PCDHGA7: variants seen among roughly 807,000 people sequenced by gnomAD.
PCDHGA7 encodes protocadherin gamma subfamily A, 7, also known as protocadherin gamma-A7.
In PCDHGA7, 44 loss-of-function variants were observed where a neutral mutation model predicts 58.3. The ratio of observed to expected loss-of-function variants is 0.75; its 90% CI spans 0.59 to 0.97. The LOEUF is 0.97. PCDHGA7 is among the 50% of genes least tolerant of loss of function. The probability of loss-of-function intolerance (pLI) is 0.00; values close to 1 mark genes in which losing one functional copy is unlikely to be tolerated. For synonymous variants in PCDHGA7, 516 were observed against 504.2 expected, an observed-to-expected ratio of 1.02 and a Z score of -0.31; for missense variants, 1,266 against 1,188.7, an observed-to-expected ratio of 1.06 and a Z score of -0.96.
chr5:141,388,756 A>G, intron 1 of PCDHGA7: 1 of 1,613,956 alleles, frequency 6.2e-7, no homozygotes, highest in South Asian at 1.1e-5. Flanking sequence ...ACCCAATTTG[A>G]CCTGAACTCT....
intron 1 of PCDHGA7, chr5:141,423,851 C>A (rs1311833319): frequency 2.4e-6 from 3 of 1,275,940 alleles, no homozygotes; most frequent in East Asian, 3.1e-5. Context: ...TCTTTCAGAA[C>A]GTTTTTGTGA....
Position 141,486,000 on chromosome 5 carries a change from A to G in PCDHGA7, c.2425-8807A>G. 1 of 1,614,194 alleles carries G rather than the reference A, an allele frequency of 6.2e-7. No individual in the cohort carries two copies. Among genetic ancestry groups the G allele is most frequent in the Non-Finnish European group, 8.5e-7 (1 of 1,180,034 alleles). On this transcript the variant is annotated intron_variant, in intron 1 of 3. Transcript: ENST00000518325. The surrounding 1 kb of genome is among the most constrained non-coding windows in gnomAD (Gnocchi z 5.7). ...GACCCGGACCTGGGTCCCAGTGGTA[A>G]CGTCACCTTTTATTTCAGTGGTCAT...
At chr5:141,420,001 C>T in intron 1 of PCDHGA7, 1 of 1,614,084 alleles carries the variant, frequency 6.2e-7, no homozygotes, top group Non-Finnish European at 8.5e-7. Flanking sequence ...TTGCTCTACG[C>T]CTGCGACAGT....
intron 1 of PCDHGA7, chr5:141,413,400 G>C: frequency 6.2e-7 from 1 of 1,614,060 alleles, no homozygotes; most frequent in Non-Finnish European, 8.5e-7. Context: ...CCAGAGGTAG[G>C]ACGCAGCTTT....
chr5:141,428,267 T>C, intron 1 of PCDHGA7: 1 of 796,264 alleles, frequency 1.3e-6, no homozygotes, highest in Non-Finnish European at 2.1e-6. Context: ...GACAGTCCTG[T>C]GCCCTCTGAT....
chr5:141,403,863 C>CA (rs1449407003), intron 1 of PCDHGA7: 1 of 1,613,374 alleles, frequency 6.2e-7, no homozygotes, highest in Non-Finnish European at 8.5e-7. Flanking sequence ...ATATCAACAG[C>CA]AAAAAGTCTA....
At chr5:141,460,741 A>G (rs1378900827) in intron 1 of PCDHGA7, among the ~76,000 whole-genome samples, 1 of 152,128 alleles carries the variant, frequency 6.6e-6, no homozygotes, top group Non-Finnish European at 1.5e-5. Flanking sequence ...CACATTGTAT[A>G]TATATGTGTA....
chr5:141,478,532 G>T, intron 1 of PCDHGA7: 1 of 1,607,858 alleles, frequency 6.2e-7, no homozygotes, highest in East Asian at 2.2e-5. Flanking sequence ...TGCAGAGAGC[G>T]CCCCTCCCGG....
chr5:141,413,686 C>T, intron 1 of PCDHGA7: 4 of 1,613,812 alleles, frequency 2.5e-6, no homozygotes, highest in Non-Finnish European at 3.4e-6. Context: ...CGTGAACTCC[C>T]TGCAGAGCTA....
intron 1 of PCDHGA7, among the ~76,000 whole-genome samples, chr5:141,447,378 T>C (rs2098536967): frequency 6.6e-6 from 1 of 152,148 alleles, no homozygotes; most frequent in Non-Finnish European, 1.5e-5. Context: ...ACCCTGGTGA[T>C]CTGCCCACCT....
chr5:141,418,111 A>G (rs763834283), intron 1 of PCDHGA7: 19 of 1,613,940 alleles, frequency 1.2e-5, no homozygotes, highest in Non-Finnish European at 1.5e-5. Context: ...GCGGGGACTT[A>G]CTTGTGAAGG....
intron 1 of PCDHGA7, chr5:141,418,513 G>T (rs377653202): frequency 1.1e-4 from 173 of 1,613,842 alleles, no homozygotes; most frequent in Non-Finnish European, 1.2e-4. Flanking sequence ...TAGATGGTGG[G>T]GACCCTCCCC....
intron 1 of PCDHGA7, among the ~76,000 whole-genome samples, chr5:141,459,035 A>T (rs1404092581): frequency 6.6e-6 from 1 of 152,218 alleles, no homozygotes; most frequent in Non-Finnish European, 1.5e-5. Context: ...ATCCAGCCTT[A>T]CCAGCTATAT....
At chr5:141,475,282 G>C (rs942761003) in intron 1 of PCDHGA7, among the ~76,000 whole-genome samples, 2 of 152,150 alleles carry the variant, frequency 1.3e-5, no homozygotes, top group African/African-American at 4.8e-5. Context: ...TGAAAGACAG[G>C]GTAGGGAAAT....
At chr5:141,427,470 G>A (rs765970767) in intron 1 of PCDHGA7, 8 of 509,992 alleles carry the variant, frequency 1.6e-5, no homozygotes, top group African/African-American at 7.7e-5. Flanking sequence ...CGAATCTTCC[G>A]CCAATAATGA....
chr5:141,457,233 T>G (rs1038193595), intron 1 of PCDHGA7, among the ~76,000 whole-genome samples: 9 of 152,208 alleles, frequency 5.9e-5, no homozygotes, highest in African/African-American at 2.2e-4. Flanking sequence ...AATTTCCATC[T>G]AAAATTTTAC....
chr5:141,399,603 A>G, intron 1 of PCDHGA7: 1 of 1,613,950 alleles, frequency 6.2e-7, no homozygotes, highest in Non-Finnish European at 8.5e-7. Flanking sequence ...CCAGCGACCT[A>G]GAGCCTCTGG....
Position 141,476,646 on chromosome 5 carries a change from A to G in PCDHGA7, c.2425-18161A>G, listed in dbSNP as rs771366262. 1.9e-6 allele frequency: 3 copies of G among 1,614,132 alleles called. No homozygotes were observed. The highest frequency in any genetic ancestry group is 1.7e-5 in the Admixed American group (1 of 60,010). ...TTACAAACCTATGAGCTGAGCCGAA[A>G]TGAATACTTTGCGCTTCGCGTGCAG... On this transcript the variant is annotated intron_variant, in intron 1 of 3. Transcript: ENST00000518325. This position sits in a 1 kb window ranked among gnomAD's most constrained non-coding sequence, Gnocchi z 7.6.
At chr5:141,503,479 G>A (rs1203644194) in intron 2 of PCDHGA7, among the ~76,000 whole-genome samples, 5 of 151,616 alleles carry the variant, frequency 3.3e-5, no homozygotes, top group African/African-American at 9.7e-5. Context: ...TGCACTTGTC[G>A]TCCCAGCTGC....
Sources: gnomAD v4.1 joint callset for allele counts (sites outside exome capture counted in the v4.1 genomes callset) on GRCh38, gnomAD v4.1.1 for gene constraint, Gnocchi (gnomAD v3.1) non-coding constraint, MANE v1.5 for transcripts, NCBI Gene and HGNC (gene_info 2026-07-23, HGNC 2026-07-21) for gene names.